The following GOLT1A variants were observed in gnomAD, a reference collection of about 807,000 sequenced individuals.
GOLT1A encodes the protein vesicle transport protein GOT1A.
Under a neutral mutation model 16.1 loss-of-function variants are expected in GOLT1A, and 10 were observed. That is an observed-to-expected ratio of 0.62 (90% CI 0.38 to 1.05). The LOEUF (loss-of-function observed/expected upper bound fraction) is 1.05. Ranked by LOEUF, GOLT1A falls within the 50% of genes least tolerant of loss-of-function variation. The pLI is 0.01. For missense variants in GOLT1A, 137 were observed against 165.7 expected (o/e 0.83, Z 0.95); for synonymous variants, 60 against 67.9 (o/e 0.88, Z 0.57).
rs557303316 is a variant in GOLT1A, at chr1:204,206,942, C to T, written c.26-3955G>A. ...TAAGGGCAGATGCAATTCCAGGACT[C>T]TCCTGTGATGGGGGCAGCCTTCTTT... On this transcript the variant is annotated intron_variant, in intron 1 of 4. Coordinates refer to ENST00000308302, the MANE Select transcript of GOLT1A (RefSeq NM_198447.2). Among the ~76,000 whole-genome samples the T allele has an allele frequency of 2.0e-5, 3 of 152,352 alleles. No individual in the cohort carries two copies. In the East Asian group the frequency reaches 5.8e-4, roughly 29 times the overall value.
chr1:204,200,345 G>A lies in GOLT1A; in HGVS notation c.297-1087C>T, dbSNP rs1443548388. Among the ~76,000 whole-genome samples, 3 of 93,746 alleles carry A rather than the reference G, an allele frequency of 3.2e-5. No homozygotes were observed. In the East Asian group the frequency reaches 9.6e-4, roughly 30 times the overall value. The allele number at this position is 93,746 out of a possible 152,430, so 61.5% of individuals were successfully genotyped here. ...TGTTTTTGTTTTTTTTTTTTTGAGA[G>A]AGAGAGTCTCGGTCTGTCACCCAGG... is the stretch of plus-strand genomic sequence containing the variant. On this transcript the variant is annotated intron_variant, in intron 3 of 4. Transcript: ENST00000308302.
intron 1 of GOLT1A, among the ~76,000 whole-genome samples, chr1:204,203,698 G>T (rs1306005381): frequency 6.6e-6 from 1 of 151,886 alleles, no homozygotes; most frequent in African/African-American, 2.4e-5. Flanking sequence ...CACCTTGCGG[G>T]CCCCCCACAC....
intron 1 of GOLT1A, among the ~76,000 whole-genome samples, chr1:204,208,343 TAC>T (rs1348506866): frequency 1.1e-5 from 1 of 92,112 alleles, no homozygotes; most frequent in African/African-American, 3.3e-5. Context: ...TATACATATA[TAC>T]ACACATGTAT....
At chr1:204,209,746 AG>A (rs1226138630) in intron 1 of GOLT1A, among the ~76,000 whole-genome samples, 2 of 152,204 alleles carry the variant, frequency 1.3e-5, no homozygotes. Context: ...ATTTGAACTT[AG>A]TCTTGAGCTC....
At chr1:204,205,504 G>A (rs1183218247) in intron 1 of GOLT1A, among the ~76,000 whole-genome samples, 2 of 152,096 alleles carry the variant, frequency 1.3e-5, no homozygotes, top group African/African-American at 4.8e-5. Flanking sequence ...CTATGAAATT[G>A]GTATTATTAT....
rs542773241 is a variant in GOLT1A, at chr1:204,213,797, G to A, written c.25+85C>T. The A allele has an allele frequency of 6.0e-6, 9 of 1,487,724 alleles. No individual in the cohort carries two copies. The Admixed American group carries it at 1.6e-4, about 27-fold the overall frequency. The allele number at this position is 1,487,724 out of a possible 1,614,324, so 92.2% of individuals were successfully genotyped here. A position where few individuals can be genotyped will look rare whatever the true frequency, so the allele number is the denominator to read the frequency against. On this transcript the variant is annotated intron_variant, in intron 1 of 4. Coordinates refer to ENST00000308302, the MANE Select transcript of GOLT1A (RefSeq NM_198447.2). ...TGGCTCCAGAGGTCACGCTTGTAGT[G>A]ACAGAGAGCCCAGCTGGGAGAGAGA...
chr1:204,212,258 G>C (rs1443380785), intron 1 of GOLT1A, among the ~76,000 whole-genome samples: 4 of 152,092 alleles, frequency 2.6e-5, no homozygotes, highest in Non-Finnish European at 5.9e-5. Context: ...AATCCTCAAC[G>C]CTTTCCTCAA....
intron 1 of GOLT1A, among the ~76,000 whole-genome samples, chr1:204,207,717 A>G (rs1659066422): frequency 6.6e-6 from 1 of 152,186 alleles, no homozygotes; most frequent in African/African-American, 2.4e-5. Flanking sequence ...AAGCAATCAC[A>G]CATGTACAGG....
In GOLT1A at chr1:204,200,299, G is replaced by GTGTGTGTGTGTATATATATA; in HGVS notation, c.297-1042_297-1041insTATATATATACACACACACA. The stretch of plus-strand genomic sequence containing the variant: ...GACTGTTTGAAAATGACATATATGT[G>GTGTGTGTGTGTATATATATA]TATATATATATATATATATATGTTT... On this transcript the variant is annotated intron_variant, in intron 3 of 4. Coordinates refer to ENST00000308302, the MANE Select transcript of GOLT1A (RefSeq NM_198447.2). Among the ~76,000 whole-genome samples, 16 of 82,668 alleles carry GTGTGTGTGTGTATATATATA rather than the reference G, an allele frequency of 1.9e-4. 1 individual carries two copies. Among genetic ancestry groups the GTGTGTGTGTGTATATATATA allele is most frequent in the African/African-American group, 8.3e-4 (15 of 18,052 alleles). 54.2% of individuals were successfully genotyped at this position (82,668 alleles called of 152,430 possible).
intron 1 of GOLT1A, among the ~76,000 whole-genome samples, chr1:204,209,021 G>A (rs1659098800): frequency 6.6e-6 from 1 of 152,132 alleles, no homozygotes; most frequent in African/African-American, 2.4e-5. Flanking sequence ...ATTCTGTGTG[G>A]TATTTAATGA....
chr1:204,205,080 T>C (rs992180010), intron 1 of GOLT1A, among the ~76,000 whole-genome samples: 1 of 152,210 alleles, frequency 6.6e-6, no homozygotes, highest in Non-Finnish European at 1.5e-5. Context: ...TAGCGTATGA[T>C]TTGCAAATAT....
intron 1 of GOLT1A, among the ~76,000 whole-genome samples, chr1:204,209,259 A>G (rs1462305390): frequency 6.6e-6 from 1 of 152,158 alleles, no homozygotes; most frequent in African/African-American, 2.4e-5. Flanking sequence ...CAAGATGTCA[A>G]TTTGCCCCAT....
Position 204,201,639 on chromosome 1 carries a change from A to T in GOLT1A, c.290T>A (p.Leu97His), listed in dbSNP as rs1267175632. 3.7e-6 allele frequency: 6 copies of T among 1,614,110 alleles called. No homozygotes were observed. Among genetic ancestry groups the T allele is most frequent in the Non-Finnish European group, 5.1e-6 (6 of 1,179,986 alleles). ...MFLETYGFFS[L>H]FKGFFPVAFG... ...TATAGGGATTTGCACTCACTTAAAG[A>T]GGCTGAAGAATCCGTAGGTTTCCAG... The change falls in exon 3 of 5, where the codon CTC becomes CAC. Residue 97 changes from leucine to histidine, a missense_variant. Physicochemically the swap from Leu to His is moderately conservative, Grantham distance 99 (BLOSUM62 -3). Transcript: ENST00000308302.
intron 3 of GOLT1A, among the ~76,000 whole-genome samples, chr1:204,201,100 C>T (rs959567922): frequency 5.3e-5 from 8 of 152,224 alleles, no homozygotes; most frequent in Non-Finnish European, 4.4e-5. Context: ...TGCCTTTTCC[C>T]AGGCCCAGGG....
Position 204,198,167 on chromosome 1 carries a change from C to T in GOLT1A, c.*291G>A, listed in dbSNP as rs953089866. 2.9e-5 allele frequency: 11 copies of T among 383,068 alleles called. No individual in the cohort carries two copies. Among genetic ancestry groups the T allele is most frequent in the African/African-American group, 1.9e-4 (9 of 46,894 alleles). The allele number at this position is 383,068 out of a possible 1,614,324, so 23.7% of individuals were successfully genotyped here. A position where few individuals can be genotyped will look rare whatever the true frequency, so the allele number is the denominator to read the frequency against. Reference sequence around the variant, plus strand: ...ACGCCAACTCTGAGCCTTAGACACACGCACAACTTGGGAATTTAATCTTCA... The same window carrying T: ...ACGCCAACTCTGAGCCTTAGACACATGCACAACTTGGGAATTTAATCTTCA... On this transcript the variant is annotated 3_prime_UTR_variant, in exon 5 of 5. Transcript: ENST00000308302.
At chr1:204,199,469 C>T (rs570182459) in intron 3 of GOLT1A, among the ~76,000 whole-genome samples, 35 of 152,266 alleles carry the variant, frequency 2.3e-4, no homozygotes, top group Middle Eastern at 3.4e-3. Context: ...CACTTCTTGG[C>T]TCTACCACTT....
chr1:204,213,705 GAGGGT>G (rs1659173133), intron 1 of GOLT1A, among the ~76,000 whole-genome samples, 172 bp downstream of exon 1: 1 of 152,206 alleles, frequency 6.6e-6, no homozygotes, highest in South Asian at 2.1e-4. Flanking sequence ...CCACCCGCTG[GAGGGT>G]AGGGAGCCAC....
rs190061218 is a variant in GOLT1A at position 204,199,277 on chromosome 1, A to C, written c.297-19T>G. ...AAAGCCCCTAGGAGCAGAGGGGAGAAGGGAGGAGTCAGTGATGGCCCAGGA... is the reference window on the plus strand; with the variant it reads ...AAAGCCCCTAGGAGCAGAGGGGAGACGGGAGGAGTCAGTGATGGCCCAGGA... On this transcript the variant is annotated intron_variant, in intron 3 of 4. Coordinates refer to ENST00000308302, the MANE Select transcript of GOLT1A (RefSeq NM_198447.2). The C allele has an allele frequency of 3.1e-6, 5 of 1,590,658 alleles. No homozygotes were observed. Among genetic ancestry groups the C allele is most frequent in the South Asian group, 2.3e-5 (2 of 87,134 alleles).
intron 2 of GOLT1A, 89 bp downstream of exon 2, chr1:204,202,807 G>T: frequency 3.3e-6 from 3 of 911,842 alleles, no homozygotes; most frequent in Non-Finnish European, 3.6e-6. Flanking sequence ...TAAATAAACT[G>T]TAAGTCTTTA....
Sources: allele counts gnomAD v4.1 joint callset (sites outside exome capture counted in the v4.1 genomes callset), GRCh38; gene constraint gnomAD v4.1.1; transcripts MANE v1.5; gene names NCBI Gene and HGNC (gene_info 2026-07-23, HGNC 2026-07-21).